The following C1QTNF9 variants were observed in gnomAD, a reference collection of about 807,000 sequenced individuals.
C1QTNF9 encodes the protein complement C1q and tumor necrosis factor-related protein 9A.
A neutral mutation model predicts 10.1 loss-of-function variants in C1QTNF9; 6 were observed. The ratio of observed to expected loss-of-function variants is 0.59; its 90% CI spans 0.32 to 1.17. The LOEUF (loss-of-function observed/expected upper bound fraction) is 1.17, where lower values mean the gene tolerates loss of function less well. C1QTNF9 is among the 50% of genes most tolerant of loss of function. The probability of loss-of-function intolerance (pLI) is 0.04; values close to 1 mark genes in which losing one functional copy is unlikely to be tolerated. For synonymous variants in C1QTNF9, 98 were observed against 163.5 expected (o/e 0.60, Z 3.06); for missense variants, 201 against 418.8 (o/e 0.48, Z 4.54).
chr13:24,311,107 G>C (rs1395639799), intron 1 of C1QTNF9, among the ~76,000 whole-genome samples: 1 of 152,114 alleles, frequency 6.6e-6, no homozygotes, highest in African/African-American at 2.4e-5. Flanking sequence ...GGAAACCCAG[G>C]AGATATCACT....
In C1QTNF9 at chr13:24,312,696, C is replaced by T. The variant is rs143426486; in HGVS notation, c.-23+3080C>T. Among the ~76,000 whole-genome samples the T allele has an allele frequency of 2.2e-3, 336 of 152,126 alleles. 2 individuals are homozygous for T. Among genetic ancestry groups the T allele is most frequent in the Non-Finnish European group, 4.0e-3 (275 of 68,010 alleles). On this transcript the variant is annotated intron_variant, in intron 1 of 3. Coordinates refer to ENST00000332018, the Ensembl canonical transcript of C1QTNF9. ...AAGCGGCCGTGTGCAGTGACTCACACCTGTAATCCCAGCACTTTGGGAGGC... is the reference window on the plus strand; with the variant it reads ...AAGCGGCCGTGTGCAGTGACTCACATCTGTAATCCCAGCACTTTGGGAGGC...
At chr13:24,320,520 A>G (rs1427433733) in intron 3 of C1QTNF9, among the ~76,000 whole-genome samples, 3 of 151,842 alleles carry the variant, frequency 2.0e-5, no homozygotes, top group African/African-American at 7.3e-5. Flanking sequence ...GAGTATCTGG[A>G]ACTACAGTTG....
upstream of C1QTNF9, among the ~76,000 whole-genome samples, chr13:24,308,624 C>T (rs1877692885): frequency 1.3e-5 from 2 of 152,336 alleles, no homozygotes; most frequent in South Asian, 4.1e-4. Context: ...GCCCCGCACC[C>T]ACCCGTACAC....
At chr13:24,316,620 T>A (rs1413569465) in intron 2 of C1QTNF9, among the ~76,000 whole-genome samples, 1 of 152,212 alleles carries the variant, frequency 6.6e-6, no homozygotes, top group Non-Finnish European at 1.5e-5. Flanking sequence ...TACCGCATCA[T>A]GCCATGAAGC....
chr13:24,315,921 G>A, intron 1 of C1QTNF9, 61 bp from the exon 2 acceptor site: 2 of 1,579,770 alleles, frequency 1.3e-6, no homozygotes, highest in South Asian at 2.3e-5. Flanking sequence ...CGGAACAGAG[G>A]CTGTGTCCAG....
At chr13:24,313,780 C>T (rs1039300995) in intron 1 of C1QTNF9, among the ~76,000 whole-genome samples, 1 of 152,148 alleles carries the variant, frequency 6.6e-6, no homozygotes, top group African/African-American at 2.4e-5. Flanking sequence ...CCCATAACTG[C>T]CCCCCATTCT....
intron 1 of C1QTNF9, among the ~76,000 whole-genome samples, chr13:24,312,497 T>C (rs1378683362): frequency 2.0e-5 from 3 of 152,204 alleles, no homozygotes; most frequent in African/African-American, 4.8e-5. Flanking sequence ...CTAATGAAAC[T>C]GAGGGTCCAA....
chr13:24,310,324 T>C (rs1388385109), intron 1 of C1QTNF9, among the ~76,000 whole-genome samples: 1 of 127,990 alleles, frequency 7.8e-6, no homozygotes, highest in African/African-American at 3.6e-5. Context: ...TGGCTACTTT[T>C]TTTTTTTTTT....
chr13:24,317,885 T>C (rs893765215), intron 2 of C1QTNF9, among the ~76,000 whole-genome samples: 2 of 151,148 alleles, frequency 1.3e-5, no homozygotes, highest in South Asian at 2.1e-4. Flanking sequence ...GAGGGGCAAA[T>C]GTAGGGATAA....
chr13:24,319,699 TGA>T (rs1878174277), intron 3 of C1QTNF9, among the ~76,000 whole-genome samples: 1 of 152,208 alleles, frequency 6.6e-6, no homozygotes, highest in African/African-American at 2.4e-5. Context: ...GGAGTGAGAC[TGA>T]GTTTTTGACT....
chr13:24,317,868 G>A (rs1593535250), intron 2 of C1QTNF9, among the ~76,000 whole-genome samples: 1 of 151,498 alleles, frequency 6.6e-6, no homozygotes, highest in East Asian at 1.9e-4. Context: ...GGGGAGGGGA[G>A]CGCAGGGAGG....
At chr13:24,307,855 C>G (rs1438178163), upstream of C1QTNF9, among the ~76,000 whole-genome samples, 1 of 152,258 alleles carries the variant, frequency 6.6e-6, no homozygotes, top group Non-Finnish European at 1.5e-5. Context: ...CCAGCTGAAC[C>G]TGGGCCGCAG....
chr13:24,312,995 G>A (rs1877893945), intron 1 of C1QTNF9, among the ~76,000 whole-genome samples: 1 of 151,628 alleles, frequency 6.6e-6, no homozygotes, highest in African/African-American at 2.4e-5. Flanking sequence ...GCCAACCTAG[G>A]TGGTGACCAC....
chr13:24,310,658 A>G (rs983005853), intron 1 of C1QTNF9, among the ~76,000 whole-genome samples: 42 of 151,844 alleles, frequency 2.8e-4, no homozygotes, highest in African/African-American at 9.9e-4. Flanking sequence ...TCACACCTGT[A>G]ATCCCAGCAC....
intron 2 of C1QTNF9, among the ~76,000 whole-genome samples, chr13:24,316,403 G>A (rs1238056166): frequency 2.0e-5 from 3 of 152,022 alleles, no homozygotes; most frequent in Non-Finnish European, 4.4e-5. Context: ...CTGGTGGAGA[G>A]CACAGGGCAA....
At chr13:24,308,735 C>T (rs1048186161), upstream of C1QTNF9, among the ~76,000 whole-genome samples, 18 of 152,204 alleles carry the variant, frequency 1.2e-4, no homozygotes, top group Middle Eastern at 0.01. Flanking sequence ...CCGGCCTCTG[C>T]TCCTGCTCTT....
At chr13:24,309,056 C>T (rs1322469523), upstream of C1QTNF9, among the ~76,000 whole-genome samples, 1 of 151,896 alleles carries the variant, frequency 6.6e-6, no homozygotes, top group Non-Finnish European at 1.5e-5. Flanking sequence ...GGTAGGAATT[C>T]TAATGGTCCG....
chr13:24,308,255 CG>C (rs1480931601), upstream of C1QTNF9, among the ~76,000 whole-genome samples: 1 of 152,212 alleles, frequency 6.6e-6, no homozygotes, highest in Non-Finnish European at 1.5e-5. Context: ...GGGGAAGGGC[CG>C]GGCAGCGAGA....
chr13:24,310,937 A>G (rs1877797707), intron 1 of C1QTNF9, among the ~76,000 whole-genome samples: 1 of 148,954 alleles, frequency 6.7e-6, no homozygotes, highest in Non-Finnish European at 1.5e-5. Flanking sequence ...AAAAAAAGAT[A>G]TGTTGAAGAA....
Sources: allele counts gnomAD v4.1 joint callset (sites outside exome capture counted in the v4.1 genomes callset), GRCh38; gene constraint gnomAD v4.1.1; transcripts MANE v1.5; gene names NCBI Gene and HGNC (gene_info 2026-07-23, HGNC 2026-07-21).